ST7L: variants seen among roughly 807,000 people sequenced by gnomAD.
ST7L encodes suppressor of tumorigenicity 7 protein-like.
ST7L carries 57 observed loss-of-function variants against 72.5 expected under a neutral mutation model. That is an observed-to-expected ratio of 0.79 (90% CI 0.64 to 0.98). The LOEUF is 0.98. ST7L is among the 50% of genes least tolerant of loss of function. The pLI is 0.00. For missense variants in ST7L, 576 were observed against 672.2 expected (o/e 0.86, Z 1.58); for synonymous variants, 221 against 240.9 (o/e 0.92, Z 0.77).
chr1:112,592,974 C>A (rs1349787412), intron 5 of ST7L, among the ~76,000 whole-genome samples: 4 of 152,014 alleles, frequency 2.6e-5, no homozygotes, highest in African/African-American at 9.7e-5. Context: ...CAGATATACA[C>A]CCCCCAAATT....
intron 11 of ST7L, among the ~76,000 whole-genome samples, chr1:112,564,046 T>C (rs1660572622): frequency 6.6e-6 from 1 of 152,184 alleles, no homozygotes; most frequent in South Asian, 2.1e-4. Context: ...TCAGTGCACA[T>C]TCTATGAGAT....
intron 14 of ST7L, chr1:112,539,857 G>A: frequency 1.0e-6 from 1 of 985,100 alleles, no homozygotes; most frequent in Non-Finnish European, 1.2e-6. Flanking sequence ...AAATGTGGCT[G>A]TAAAAGTTTA....
downstream of ST7L, chr1:112,521,314 T>TTTTTTTTTTTTTTTC: frequency 1.4e-5 from 1 of 73,664 alleles, no homozygotes. Flanking sequence ...GTGTTGCCTT[T>TTTTTTTTTTTTTTTC]TTTTTTTTTT....
At chr1:112,548,584 G>T (rs1657555525) in intron 13 of ST7L, among the ~76,000 whole-genome samples, 1 of 152,216 alleles carries the variant, frequency 6.6e-6, no homozygotes, top group South Asian at 2.1e-4. Flanking sequence ...AGTTAAGTTT[G>T]ATAGTTGTAA....
intron 11 of ST7L, chr1:112,571,190 A>G (rs888254214): frequency 2.5e-6 from 1 of 398,934 alleles, no homozygotes; most frequent in African/African-American, 2.1e-5. Flanking sequence ...TTCTTCAAAA[A>G]AACCTTAATA....
chr1:112,556,985 CAAAAAAA>C (rs1196828305), intron 11 of ST7L, among the ~76,000 whole-genome samples: 6 of 82,108 alleles, frequency 7.3e-5, no homozygotes, highest in African/African-American at 3.0e-4. Flanking sequence ...AAAAAAAAAA[CAAAAAAA>C]AAAAAACACA....
At chr1:112,536,880 G>A (rs1026910859) in intron 14 of ST7L, among the ~76,000 whole-genome samples, 3 of 152,094 alleles carry the variant, frequency 2.0e-5, no homozygotes, top group Non-Finnish European at 4.4e-5. Flanking sequence ...CTTCAACAAA[G>A]TTTTGCTGTA....
intron 11 of ST7L, 109 bp from the exon 12 acceptor site, chr1:112,556,127 A>G: frequency 1.1e-6 from 1 of 908,050 alleles, no homozygotes; most frequent in Non-Finnish European, 1.5e-6. Flanking sequence ...TTAGAAAGTT[A>G]AACTGATTTT....
At chr1:112,588,723 G>A (rs756570908) in intron 6 of ST7L, among the ~76,000 whole-genome samples, 5 of 152,044 alleles carry the variant, frequency 3.3e-5, no homozygotes, top group Admixed American at 6.6e-5. Context: ...AACCATTCTT[G>A]CATCCATGAA....
intron 11 of ST7L, among the ~76,000 whole-genome samples, chr1:112,574,712 G>C (rs1662817684): frequency 6.6e-6 from 1 of 151,700 alleles, no homozygotes; most frequent in Non-Finnish European, 1.5e-5. Context: ...AAAACATAAA[G>C]GGAGGAAATA....
At chr1:112,592,141 C>T (rs1665815213) in intron 5 of ST7L, among the ~76,000 whole-genome samples, 1 of 151,662 alleles carries the variant, frequency 6.6e-6, no homozygotes. Flanking sequence ...AAATGTCAGC[C>T]TCTATCAGGA....
intron 6 of ST7L, 97 bp downstream of exon 6, chr1:112,591,428 G>A: frequency 4.2e-6 from 4 of 951,820 alleles, no homozygotes; most frequent in Admixed American, 6.1e-5. Context: ...AATGACTAAT[G>A]ACTCCAAGTG....
At chr1:112,598,557 T>C in intron 4 of ST7L, among the ~76,000 whole-genome samples, 1 of 151,326 alleles carries the variant, frequency 6.6e-6, no homozygotes, top group Non-Finnish European at 1.5e-5. Context: ...CAAGACTAGC[T>C]TGAGCAATAT....
chr1:112,523,022 T>C (rs1652963047), downstream of ST7L: 1 of 152,244 alleles, frequency 6.6e-6, no homozygotes, highest in African/African-American at 2.4e-5. Flanking sequence ...TGCCTTATAT[T>C]ATATGCCAGG....
intron 3 of ST7L, among the ~76,000 whole-genome samples, chr1:112,602,430 G>A (rs1252270963): frequency 1.3e-5 from 2 of 152,178 alleles, no homozygotes; most frequent in East Asian, 3.8e-4. Context: ...AATTGAACAG[G>A]TGATGAAAAG....
intron 13 of ST7L, among the ~76,000 whole-genome samples, chr1:112,542,772 T>C (rs1656338961): frequency 6.6e-6 from 1 of 150,788 alleles, no homozygotes; most frequent in African/African-American, 2.4e-5. Context: ...AATAAATAAA[T>C]AAATAAATAA....
chr1:112,547,534 T>TAAC (rs1657302734), intron 13 of ST7L, among the ~76,000 whole-genome samples: 1 of 146,226 alleles, frequency 6.8e-6, no homozygotes, highest in African/African-American at 2.5e-5. Context: ...ATGTAGCACT[T>TAAC]AACACATTGT....
chr1:112,543,558 T>C (rs975771813), intron 13 of ST7L, among the ~76,000 whole-genome samples: 21 of 149,918 alleles, frequency 1.4e-4, no homozygotes, highest in Middle Eastern at 7.2e-3. Context: ...AAAATAAATA[T>C]GTAAATTAAT....
rs567601091 is a variant in ST7L, at chr1:112,551,138, C to CTTTTTTTTTTTTTTTTTT, written c.1397-463_1397-446dup. 2.1e-4 allele frequency among the ~76,000 whole-genome samples: 16 copies of CTTTTTTTTTTTTTTTTTT among 77,224 alleles called. 3 individuals are homozygous for CTTTTTTTTTTTTTTTTTT. The highest frequency in any genetic ancestry group is 7.6e-4 in the African/African-American group (12 of 15,784). The allele number at this position is 77,224 out of a possible 152,430, so 50.7% of individuals were successfully genotyped here. A position where few individuals can be genotyped will look rare whatever the true frequency, so the allele number is the denominator to read the frequency against. ...TCACCAAAGCTTTCTATGAGCAGAT[C>CTTTTTTTTTTTTTTTTTT]TTTTTTTTTTTTTTTTTTTTTTTTT... On this transcript the variant is annotated intron_variant, in intron 12 of 14. Transcript: ENST00000358039.
Sources: allele counts gnomAD v4.1 joint callset (sites outside exome capture counted in the v4.1 genomes callset), GRCh38; gene constraint gnomAD v4.1.1; transcripts MANE v1.5; gene names NCBI Gene and HGNC (gene_info 2026-07-23, HGNC 2026-07-21).